The following RALGDS variants were observed in gnomAD, a reference collection of about 807,000 sequenced individuals.
RALGDS encodes the protein ral guanine nucleotide exchange factor.
In RALGDS, 44 loss-of-function variants were observed where a neutral mutation model predicts 99.8. That is an observed-to-expected ratio of 0.44 (90% CI 0.35 to 0.57). The LOEUF is 0.57. Ranked by LOEUF, RALGDS falls within the 20% of genes least tolerant of loss-of-function variation. The probability of loss-of-function intolerance (pLI) is 0.01; values close to 1 mark genes in which losing one functional copy is unlikely to be tolerated. For missense variants in RALGDS, 1,022 were observed against 1,203.1 expected (o/e 0.85, Z 2.23); for synonymous variants, 529 against 505.0 (o/e 1.05, Z -0.64).
intron 9 of RALGDS, among the ~76,000 whole-genome samples, chr9:133,105,374 CA>C (rs1182804008): frequency 6.6e-6 from 1 of 152,166 alleles, no homozygotes; most frequent in African/African-American, 2.4e-5. Flanking sequence ...AAGAATTCTA[CA>C]GGGTTCTCTG....
intron 1 of RALGDS, among the ~76,000 whole-genome samples, chr9:133,112,859 C>G (rs1344552511): frequency 6.6e-6 from 1 of 152,206 alleles, no homozygotes; most frequent in East Asian, 1.9e-4. Flanking sequence ...GTTCCCAGTT[C>G]CCTGACCATC....
At chr9:133,122,125 G>A (rs1214215273), upstream of RALGDS, among the ~76,000 whole-genome samples, 1 of 152,240 alleles carries the variant, frequency 6.6e-6, no homozygotes, top group East Asian at 1.9e-4. Flanking sequence ...GCTGCTTGTG[G>A]CTTGGACATC....
rs1831241909 is a variant in RALGDS, at chr9:133,109,668, G to C, written c.542C>G (p.Pro181Arg). ...GGGTCCACCATCCTCGTCGGAATAG[G>C]GGAGGATGCAGCCGTATCTAGAGGA... ...TASSRYGCIL[P>R]YSDEDGGPQD... The change falls in exon 4 of 18, where the codon CCC (proline) becomes CGC (arginine). Residue 181 changes from proline to arginine, a missense_variant. Around this residue, in one of 3 missense-constraint regions of RALGDS, gnomAD observed 825 missense variants for 994.5 expected, o/e 0.83. Coordinates refer to ENST00000372050, the MANE Select transcript of RALGDS (RefSeq NM_006266.4). 1 of 1,613,868 alleles carries C rather than the reference G, an allele frequency of 6.2e-7. No individual in the cohort carries two copies. Among genetic ancestry groups the C allele is most frequent in the African/African-American group, 1.3e-5 (1 of 74,942 alleles).
intron 1 of RALGDS, among the ~76,000 whole-genome samples, chr9:133,119,955 G>C (rs1445640409): frequency 6.6e-6 from 1 of 152,174 alleles, no homozygotes; most frequent in Non-Finnish European, 1.5e-5. Context: ...GCCATGAAGC[G>C]ACTGGAGACG....
chr9:133,100,729 T>G, intron 16 of RALGDS: 1 of 1,196,894 alleles, frequency 8.4e-7, no homozygotes, highest in Non-Finnish European at 1.1e-6. Flanking sequence ...GAACAGACAG[T>G]CCCTAGTCCA....
upstream of RALGDS, among the ~76,000 whole-genome samples, chr9:133,124,222 G>GCACA (rs576086293): frequency 1.8e-5 from 2 of 112,428 alleles, no homozygotes; most frequent in African/African-American, 6.7e-5. Context: ...AGAGACACAG[G>GCACA]CACACACACA....
rs529087091 is a variant in RALGDS at position 133,148,937 on chromosome 9, C to G, written c.18+26G>C. On this transcript the variant is annotated intron_variant, in intron 1 of 17. Transcript: ENST00000393160. ...TACGGTCCTCCCTCCACCCGCGACG[C>G]GAGGCTGGGGACGGCGCGCACTCAC... is the stretch of plus-strand genomic sequence containing the variant. 32 of 1,601,512 alleles carry G rather than the reference C, an allele frequency of 2.0e-5. No homozygotes were observed. In the East Asian group the frequency reaches 6.3e-4, roughly 32 times the overall value.
intron 1 of RALGDS, among the ~76,000 whole-genome samples, chr9:133,114,759 G>GTCCTCAAGGGACAC (rs1831515907): frequency 6.6e-6 from 1 of 152,228 alleles, no homozygotes; most frequent in Non-Finnish European, 1.5e-5. Flanking sequence ...GCTTGGCTGT[G>GTCCTCAAGGGACAC]TCCTCAAGGG....
chr9:133,099,639 CAT>C (rs1564225271), intron 17 of RALGDS: 2 of 6,634 alleles, frequency 3.0e-4, no homozygotes, highest in Non-Finnish European at 1.3e-3. Context: ...TATATATACA[CAT>C]ATATACATAC....
Position 133,105,989 on chromosome 9 carries a change from C to G in RALGDS, c.1545G>C (p.Leu515=), listed in dbSNP as rs753067057. The G allele has an allele frequency of 5.0e-6, 8 of 1,607,888 alleles. No homozygotes were observed. In the South Asian group the frequency reaches 8.8e-5, roughly 18 times the overall value. ...TGTTCTCATCTGAGAAGATCTCTGA[C>G]AGCTTCTGAAAGATCCGGAAACTGT... ...SRDSFRIFQK[L]SEIFSDENNY... is the part of the protein sequence containing the mutation. The change falls in exon 9 of 18, where the codon CTG becomes CTC. Residue 515 remains leucine, a synonymous_variant. Transcript: ENST00000372050.
intron 1 of RALGDS, among the ~76,000 whole-genome samples, chr9:133,137,281 C>T (rs1325904225): frequency 6.6e-6 from 1 of 152,250 alleles, no homozygotes; most frequent in Non-Finnish European, 1.5e-5. Flanking sequence ...TCATGCCCCC[C>T]ATGGCGGGGA....
upstream of RALGDS, among the ~76,000 whole-genome samples, chr9:133,131,702 T>G (rs1832337851): frequency 6.6e-6 from 1 of 152,110 alleles, no homozygotes; most frequent in African/African-American, 2.4e-5. Context: ...TGGCCTCTCT[T>G]GCGCACAGTG....
intron 1 of RALGDS, among the ~76,000 whole-genome samples, chr9:133,114,777 T>C (rs1270148079): frequency 6.6e-6 from 1 of 152,220 alleles, no homozygotes; most frequent in East Asian, 1.9e-4. Context: ...GGGACACTCC[T>C]GTCCCACCCC....
At position 133,112,170 on chromosome 9, in the gene RALGDS, G is replaced by A. The variant is rs944414511; in HGVS notation, c.184-18C>T. 36 of 1,537,870 alleles carry A rather than the reference G, an allele frequency of 2.3e-5. No individual in the cohort carries two copies. The highest frequency in any genetic ancestry group is 2.8e-5 in the Non-Finnish European group (32 of 1,135,422). ...GTGGAGCTCTGTGAAGACAACGCCC[G>A]GCAGCCGGGCGCGGGGACGTCAAGG... is the stretch of plus-strand genomic sequence containing the variant. On this transcript the variant is annotated intron_variant, in intron 1 of 17. Coordinates refer to ENST00000372050, the MANE Select transcript of RALGDS (RefSeq NM_006266.4).
rs1831273746 is a variant in RALGDS, at chr9:133,110,151, G to A, written c.488+145C>T. 5.9e-6 allele frequency: 5 copies of A among 852,764 alleles called. No homozygotes were observed. In the Admixed American group the frequency reaches 6.7e-5, roughly 11 times the overall value. 52.8% of individuals were successfully genotyped at this position (852,764 alleles called of 1,614,324 possible). A position where few individuals can be genotyped will look rare whatever the true frequency, so the allele number is the denominator to read the frequency against. On this transcript the variant is annotated intron_variant, in intron 3 of 17. Coordinates refer to ENST00000372050, the MANE Select transcript of RALGDS (RefSeq NM_006266.4). Reference sequence around the variant, plus strand: ...CGCCCAGGCATGGTGACAACCCCATGAGGTCCTCTTAGCACTCCAGTTTCT... The same window carrying A: ...CGCCCAGGCATGGTGACAACCCCATAAGGTCCTCTTAGCACTCCAGTTTCT...
At chr9:133,101,435 C>A in intron 16 of RALGDS, 85 bp downstream of exon 16, 1 of 1,600,574 alleles carries the variant, frequency 6.2e-7, no homozygotes, top group Non-Finnish European at 8.5e-7. Flanking sequence ...AAGGTAGACC[C>A]CGGGAGGGCA....
At chr9:133,147,211 G>C (rs1345740628) in intron 1 of RALGDS, among the ~76,000 whole-genome samples, 2 of 152,108 alleles carry the variant, frequency 1.3e-5, no homozygotes, top group Non-Finnish European at 2.9e-5. Context: ...CCATCACACT[G>C]TCCAGACTCG....
rs1564256729 is a variant in RALGDS, at chr9:133,144,872, C to T, written c.18+4091G>A. Among the ~76,000 whole-genome samples, 2 of 152,204 alleles carry T rather than the reference C, an allele frequency of 1.3e-5. No homozygotes were observed. Among genetic ancestry groups the T allele is most frequent in the Admixed American group, 6.5e-5 (1 of 15,286 alleles). ...AAATAGGGTCTGTGCGGATAGAATC[C>T]GGATGAGGTCATACTGGATTAGGGT... is the stretch of plus-strand genomic sequence containing the variant. On this transcript the variant is annotated intron_variant, in intron 1 of 17. Transcript: ENST00000393160. This position sits in a 1 kb window ranked among gnomAD's most constrained non-coding sequence, Gnocchi z 4.5.
At chr9:133,131,068 G>A (rs2119251311) in exon 1 of RALGDS, 1 of 1,504,392 alleles carries the variant, frequency 6.6e-7, no homozygotes, top group South Asian at 1.3e-5. Flanking sequence ...GCTGTGGAGT[G>A]CCCCCACAGG....
Sources: gnomAD v4.1 joint callset for allele counts (sites outside exome capture counted in the v4.1 genomes callset) on GRCh38, gnomAD v4.1.1 for gene constraint, gnomAD v4.1.1 regional missense constraint, Gnocchi (gnomAD v3.1) non-coding constraint, MANE v1.5 for transcripts, NCBI Gene and HGNC (gene_info 2026-07-23, HGNC 2026-07-21) for gene names.